The following PDE1C variants were observed in gnomAD, a reference collection of about 807,000 sequenced individuals.
The protein encoded by PDE1C is dual specificity calcium/calmodulin-dependent 3',5'-cyclic nucleotide phosphodiesterase 1C.
PDE1C carries 62 observed loss-of-function variants against 93.1 expected under a neutral mutation model. The observed-to-expected ratio is 0.67, with a 90% CI of 0.54 to 0.82. The LOEUF is 0.82. PDE1C is among the 40% of genes least tolerant of loss of function. PDE1C has a pLI of 0.00. For missense variants in PDE1C, 742 were observed against 884.6 expected, an observed-to-expected ratio of 0.84 and a Z score of 2.04; for synonymous variants, 325 against 310.1, an observed-to-expected ratio of 1.05 and a Z score of -0.50.
chr7:32,202,455 A>C (rs1343683376), intron 2 of PDE1C, among the ~76,000 whole-genome samples: 1 of 152,228 alleles, frequency 6.6e-6, no homozygotes, highest in Non-Finnish European at 1.5e-5. Context: ...ATGTCATACA[A>C]GGGATTTGAG....
intron 1 of PDE1C, among the ~76,000 whole-genome samples, chr7:32,268,313 C>T (rs4368879): frequency 0.57 from 86,534 of 151,956 alleles, 26,021 homozygotes; most frequent in Admixed American, 0.68. Context: ...CTGTGTTGGC[C>T]CCATCGCTTA....
chr7:32,333,008 T>A (rs1253316609), intron 1 of PDE1C, among the ~76,000 whole-genome samples: 1 of 152,158 alleles, frequency 6.6e-6, no homozygotes, highest in Admixed American at 6.5e-5. Context: ...TACTTTTCGA[T>A]TTGTCTGCAT....
At chr7:32,056,318 C>T (rs892899117) in intron 1 of PDE1C, among the ~76,000 whole-genome samples, 1 of 115,492 alleles carries the variant, frequency 8.7e-6, no homozygotes, top group African/African-American at 3.4e-5. Flanking sequence ...ATGGGTCCAC[C>T]GTTCTCTCTC....
chr7:31,812,064 G>A (rs991597938), intron 15 of PDE1C, among the ~76,000 whole-genome samples: 21 of 152,160 alleles, frequency 1.4e-4, no homozygotes, highest in Admixed American at 1.2e-3. Context: ...ACAAGGGGAA[G>A]TGAAAGAGAC....
chr7:31,853,259 A>T (rs1315619763), intron 7 of PDE1C, among the ~76,000 whole-genome samples: 1 of 152,156 alleles, frequency 6.6e-6, no homozygotes, highest in East Asian at 1.9e-4. Context: ...TTTAAAACTC[A>T]TTTTACCACC....
At chr7:32,057,483 T>A (rs1378215406) in intron 1 of PDE1C, among the ~76,000 whole-genome samples, 1 of 152,122 alleles carries the variant, frequency 6.6e-6, no homozygotes, top group Non-Finnish European at 1.5e-5. Flanking sequence ...GCTGGTCACA[T>A]CCTGACAGGC....
chr7:32,404,688 C>T (rs1353495461), intron 1 of PDE1C, among the ~76,000 whole-genome samples: 2 of 152,098 alleles, frequency 1.3e-5, no homozygotes, highest in African/African-American at 4.8e-5. Flanking sequence ...AGGCAATGCT[C>T]CATAATCTTC....
chr7:32,283,354 A>C (rs1811798043), intron 1 of PDE1C, among the ~76,000 whole-genome samples: 2 of 152,136 alleles, frequency 1.3e-5, no homozygotes, highest in Admixed American at 1.3e-4. Flanking sequence ...TTTTTTGTTC[A>C]GGGAAGATAT....
chr7:32,162,955 C>A (rs1214758060), intron 3 of PDE1C, among the ~76,000 whole-genome samples: 2 of 152,154 alleles, frequency 1.3e-5, no homozygotes, highest in Non-Finnish European at 2.9e-5. Context: ...TAAAAACTTA[C>A]AAAGAGAGAC....
chr7:32,010,889 C>A (rs1180412710), intron 2 of PDE1C, among the ~76,000 whole-genome samples: 1 of 152,078 alleles, frequency 6.6e-6, no homozygotes, highest in African/African-American at 2.4e-5. Flanking sequence ...AATTTGGTTA[C>A]CTCTGTAAAG....
intron 3 of PDE1C, among the ~76,000 whole-genome samples, chr7:32,113,096 C>T (rs893299802): frequency 2.0e-5 from 3 of 149,170 alleles, no homozygotes; most frequent in African/African-American, 7.4e-5. Flanking sequence ...TGAGCACCCC[C>T]ATAACAGTTA....
intron 2 of PDE1C, among the ~76,000 whole-genome samples, chr7:31,909,503 A>G (rs958580914): frequency 6.6e-6 from 1 of 152,094 alleles, no homozygotes; most frequent in Non-Finnish European, 1.5e-5. Flanking sequence ...ATATACATAT[A>G]TATATTTATT....
chr7:31,807,400 C>G (rs79679976), intron 16 of PDE1C, among the ~76,000 whole-genome samples: 1 of 151,692 alleles, frequency 6.6e-6, no homozygotes, highest in Non-Finnish European at 1.5e-5. Context: ...TTTATCACTT[C>G]CCCCCTCCCC....
chr7:31,838,467 TAA>T (rs755782511), intron 9 of PDE1C, among the ~76,000 whole-genome samples: 2 of 152,188 alleles, frequency 1.3e-5, no homozygotes, highest in Non-Finnish European at 2.9e-5. Flanking sequence ...TTCTTATTTT[TAA>T]AGTCTTGTGT....
upstream of PDE1C, among the ~76,000 whole-genome samples, chr7:32,301,339 C>T (rs1465969769): frequency 6.6e-6 from 1 of 151,960 alleles, no homozygotes; most frequent in Non-Finnish European, 1.5e-5. Context: ...AAGTCTATTG[C>T]AATGGAAATT....
intron 2 of PDE1C, among the ~76,000 whole-genome samples, chr7:32,206,201 A>T (rs1297504690): frequency 2.0e-5 from 3 of 152,006 alleles, no homozygotes; most frequent in Admixed American, 6.5e-5. Flanking sequence ...GAGACCTTTG[A>T]GGATATATTC....
chr7:32,218,486 C>T (rs1399712877), intron 1 of PDE1C, among the ~76,000 whole-genome samples: 2 of 152,166 alleles, frequency 1.3e-5, no homozygotes, highest in Non-Finnish European at 2.9e-5. Context: ...GCTCGTGCAG[C>T]CCAGGGTATC....
At chr7:31,775,849 G>A in intron 16 of PDE1C, 117 bp from the exon 17 acceptor site, 1 of 803,854 alleles carries the variant, frequency 1.2e-6, no homozygotes, top group African/African-American at 1.7e-5. Context: ...TTTAGAAGCA[G>A]GTTAGGTGAG....
chr7:32,299,278 C>T (rs1389308375), exon 1 of PDE1C: 2 of 986,778 alleles, frequency 2.0e-6, no homozygotes, highest in Non-Finnish European at 2.4e-6. Flanking sequence ...GATGGAAAGG[C>T]AAACCCCTCA....
Sources: gnomAD v4.1 joint callset for allele counts (sites outside exome capture counted in the v4.1 genomes callset) on GRCh38, gnomAD v4.1.1 for gene constraint, MANE v1.5 for transcripts, NCBI Gene and HGNC (gene_info 2026-07-23, HGNC 2026-07-21) for gene names.